The following AACS variants were observed in gnomAD, a reference collection of about 807,000 sequenced individuals.
AACS encodes acetoacetyl-CoA synthetase, also known as acetoacetate-CoA ligase.
Under a neutral mutation model 83.1 loss-of-function variants are expected in AACS, and 69 were observed. The observed-to-expected ratio is 0.83, with a 90% CI of 0.68 to 1.01. AACS has a LOEUF of 1.01. Among genes scored for constraint, AACS ranks in the 50% least tolerant of loss-of-function variants. The probability of loss-of-function intolerance (pLI) is 0.00; values close to 1 mark genes in which losing one functional copy is unlikely to be tolerated. For synonymous variants in AACS, 333 were observed against 343.4 expected (o/e 0.97, Z 0.33); for missense variants, 866 against 882.2 (o/e 0.98, Z 0.23).
Position 125,129,044 on chromosome 12 carries a change from C to T in AACS, c.1424-291C>T, listed in dbSNP as rs527385527. The T allele has an allele frequency of 1.5e-4, 40 of 261,510 alleles. No individual in the cohort carries two copies. In the South Asian group the frequency reaches 2.3e-3, roughly 15 times the overall value. The allele number at this position is 261,510 out of a possible 1,614,324, so 16.2% of individuals were successfully genotyped here. A position where few individuals can be genotyped will look rare whatever the true frequency, so the allele number is the denominator to read the frequency against. The stretch of plus-strand genomic sequence containing the variant: ...TGTTCAAAGGCATGCAGAGTGACGA[C>T]ATATGCTATTCAAGGATGCGTGTGG... On this transcript the variant is annotated intron_variant, in intron 13 of 17. Transcript: ENST00000316519. The surrounding 1 kb of genome is among the most constrained non-coding windows in gnomAD (Gnocchi z 4.3).
chr12:125,125,940 A>C (rs1465409486), intron 12 of AACS: 1 of 150,390 alleles, frequency 6.6e-6, no homozygotes, highest in Non-Finnish European at 1.5e-5. Context: ...GGTGTATTAT[A>C]TGTGGATTCC....
In AACS at chr12:125,094,756, T is replaced by C. The variant is rs1415437765; in HGVS notation, c.570+3233T>C. Among the ~76,000 whole-genome samples, 1 of 152,210 alleles carries C rather than the reference T, an allele frequency of 6.6e-6. No homozygotes were observed. The highest frequency in any genetic ancestry group is 2.4e-5 in the African/African-American group (1 of 41,454). ...TTTGGGCTCGAAGGGCATCGCCAGG[T>C]TGGGGAAGTGCTCTGTTCTAAGGGT... On this transcript the variant is annotated intron_variant, in intron 5 of 17. Coordinates refer to ENST00000316519, the MANE Select transcript of AACS (RefSeq NM_023928.5). The surrounding 1 kb of genome is among the most constrained non-coding windows in gnomAD (Gnocchi z 4.1).
intron 8 of AACS, 68 bp from the exon 9 acceptor site, chr12:125,114,409 C>A: frequency 7.4e-7 from 1 of 1,344,186 alleles, no homozygotes; most frequent in Non-Finnish European, 1.1e-6. Flanking sequence ...AGCGCGTGGG[C>A]CAGGTACCAG....
At chr12:125,134,433 G>A (rs928712352) in intron 15 of AACS, among the ~76,000 whole-genome samples, 1 of 152,154 alleles carries the variant, frequency 6.6e-6, no homozygotes. Context: ...CTTCCTTCCC[G>A]AGGGATGGGT....
intron 3 of AACS, among the ~76,000 whole-genome samples, chr12:125,081,525 A>G (rs1956185150): frequency 1.3e-5 from 2 of 152,190 alleles, no homozygotes; most frequent in Admixed American, 6.5e-5. Context: ...GCTCTGCTCC[A>G]TGCTCACTCA....
At chr12:125,102,932 GAA>G (rs60237232) in intron 6 of AACS, 66 bp from the exon 7 acceptor site, 474 of 1,219,094 alleles carry the variant, frequency 3.9e-4, no homozygotes, top group Middle Eastern at 4.2e-4. Flanking sequence ...ATATTTTGTG[GAA>G]AAAAAAAAAA....
At chr12:125,141,410 G>A (rs1041798719) in intron 17 of AACS, 2 of 152,428 alleles carry the variant, frequency 1.3e-5, no homozygotes, top group Non-Finnish European at 2.9e-5. Flanking sequence ...TGCTCGGCTG[G>A]GCGCGGTGGC....
In AACS at chr12:125,124,962, C is replaced by G; in HGVS notation, c.1247C>G (p.Ala416Gly). The change falls in exon 12 of 18, where the codon GCC (alanine) becomes GGC (glycine). Residue 416 changes from alanine (A) to glycine (G), a missense_variant. By Grantham distance (60) the Ala-to-Gly change is moderately conservative (BLOSUM62 0). Transcript: ENST00000316519. Reference protein sequence around the residue: ...TILSTGSPLKAQSYEYVYRCI... With the variant: ...TILSTGSPLKGQSYEYVYRCI... ...CTGTCCACTGGCTCCCCACTGAAAG[C>G]CCAGAGCTACGAGTATGTCTACAGG... 6.2e-7 allele frequency: 1 copy of G among 1,614,210 alleles called. No homozygotes were observed. Among genetic ancestry groups the G allele is most frequent in the Non-Finnish European group, 8.5e-7 (1 of 1,180,042 alleles).
intron 7 of AACS, chr12:125,105,682 A>G (rs896791058): frequency 2.0e-5 from 3 of 152,226 alleles, no homozygotes; most frequent in Admixed American, 6.5e-5. Context: ...CCATCCTTTG[A>G]TTGTGGATGC....
At chr12:125,114,417 C>A in intron 8 of AACS, 60 bp from the exon 9 acceptor site, 1 of 1,456,460 alleles carries the variant, frequency 6.9e-7, no homozygotes, top group Non-Finnish European at 9.5e-7. Context: ...GGCCAGGTAC[C>A]AGATTCCTGG....
At chr12:125,090,359 G>A (rs1443035419) in intron 4 of AACS, among the ~76,000 whole-genome samples, 5 of 42,292 alleles carry the variant, frequency 1.2e-4, no homozygotes, top group Admixed American at 5.8e-4. Context: ...CCATTTATCC[G>A]TCATCCATCT....
At chr12:125,128,360 A>T in intron 13 of AACS, 86 bp downstream of exon 13, 1 of 1,226,436 alleles carries the variant, frequency 8.2e-7, no homozygotes, top group Non-Finnish European at 1.1e-6. Context: ...TTGCTTGGAC[A>T]TAGTTCTCCA....
chr12:125,107,660 A>G (rs928848105), intron 8 of AACS, among the ~76,000 whole-genome samples: 8 of 152,200 alleles, frequency 5.3e-5, no homozygotes, highest in African/African-American at 9.7e-5. Flanking sequence ...ATAGACAAGA[A>G]TAGATAATAT....
rs2136084974 is a variant in AACS, at chr12:125,097,833, C to T, written c.571-4846C>T. ...CAAACCAGGAGCTCGGGCTGTGCGCCACACCCTTTCACTCCCTTCCCTACC... is the reference window on the plus strand; with the variant it reads ...CAAACCAGGAGCTCGGGCTGTGCGCTACACCCTTTCACTCCCTTCCCTACC... On this transcript the variant is annotated intron_variant, in intron 5 of 17. Coordinates refer to ENST00000316519, the MANE Select transcript of AACS (RefSeq NM_023928.5). This position sits in a 1 kb window ranked among gnomAD's most constrained non-coding sequence, Gnocchi z 4.3. Among the ~76,000 whole-genome samples, 1 of 152,250 alleles carries T rather than the reference C, an allele frequency of 6.6e-6. No individual in the cohort carries two copies. The highest frequency in any genetic ancestry group is 2.4e-5 in the African/African-American group (1 of 41,554).
intron 5 of AACS, among the ~76,000 whole-genome samples, chr12:125,093,706 C>T (rs1284940054): frequency 1.3e-5 from 2 of 152,174 alleles, no homozygotes; most frequent in East Asian, 1.9e-4. Flanking sequence ...CCTGCGGCTA[C>T]GTCTCAGGTC....
At position 125,070,679 on chromosome 12, in the gene AACS, G is replaced by A. The variant is rs74920216; in HGVS notation, c.134-3197G>A. 9.8e-3 allele frequency among the ~76,000 whole-genome samples: 1,496 copies of A among 152,208 alleles called. 13 individuals carry two copies. Among genetic ancestry groups the A allele is most frequent in the Middle Eastern group, 0.048 (14 of 294 alleles). ...ATTCAGTGAGCTCTCTCTGTATGTC[G>A]GGCTCCATCTGGCACCTGATATGTA... On this transcript the variant is annotated intron_variant, in intron 1 of 17. Transcript: ENST00000316519.
intron 5 of AACS, among the ~76,000 whole-genome samples, chr12:125,095,642 TC>T (rs1228806017): frequency 6.6e-6 from 1 of 152,194 alleles, no homozygotes; most frequent in African/African-American, 2.4e-5. Context: ...CTCTTCTCCC[TC>T]CCGCCTACCC....
rs753450290 is a variant in AACS at position 125,091,448 on chromosome 12, C to T, written c.495C>T (p.His165=). ...RVVGYLPNSE[H]AVEAMLAAAS... is the part of the protein sequence containing the mutation. ...CAGGTTATTTACCCAACAGTGAGCACGCTGTCGAGGCGATGCTGGCTGCGG... is the reference window on the plus strand; with the variant it reads ...CAGGTTATTTACCCAACAGTGAGCATGCTGTCGAGGCGATGCTGGCTGCGG... Residue 165 remains histidine, a synonymous_variant, in exon 5 of 18, where the codon CAC becomes CAT. Transcript: ENST00000316519. 1.2e-5 allele frequency: 20 copies of T among 1,614,142 alleles called. No homozygotes were observed. Among genetic ancestry groups the T allele is most frequent in the Admixed American group, 3.3e-5 (2 of 60,010 alleles).
chr12:125,091,659 C>G, intron 5 of AACS, 136 bp downstream of exon 5: 1 of 839,172 alleles, frequency 1.2e-6, no homozygotes, highest in South Asian at 1.5e-5. Flanking sequence ...GCAGCTGCCT[C>G]TATGGGGAAA....
Sources: allele counts gnomAD v4.1 joint callset (sites outside exome capture counted in the v4.1 genomes callset), GRCh38; gene constraint gnomAD v4.1.1; non-coding constraint Gnocchi (gnomAD v3.1); transcripts MANE v1.5; gene names NCBI Gene and HGNC (gene_info 2026-07-23, HGNC 2026-07-21).